WHAMM: variants seen among roughly 807,000 people sequenced by gnomAD.
WHAMM encodes WASP homolog-associated protein with actin, membranes and microtubules.
WHAMM carries 67 observed loss-of-function variants against 76.5 expected under a neutral mutation model. That is an observed-to-expected ratio of 0.88 (90% CI 0.72 to 1.07). The LOEUF is 1.07. Among genes scored for constraint, WHAMM ranks in the 50% least tolerant of loss-of-function variants. The pLI, the probability that WHAMM is intolerant of heterozygous loss-of-function variation, is 0.00. For synonymous variants in WHAMM, 419 were observed against 422.1 expected, an observed-to-expected ratio of 0.99 and a Z score of 0.09; for missense variants, 1,021 against 1,051.1, an observed-to-expected ratio of 0.97 and a Z score of 0.40.
chr15:82,812,827 A>C (rs8025432), intron 1 of WHAMM, among the ~76,000 whole-genome samples: 74,848 of 151,904 alleles, frequency 0.49, 18,492 homozygotes, highest in South Asian at 0.52. Flanking sequence ...CCATGCCTGG[A>C]CAAAAGTCTC....
intron 8 of WHAMM, 80 bp from the exon 9 acceptor site, chr15:82,830,518 GT>G (rs753981979): frequency 7.8e-5 from 120 of 1,544,122 alleles, no homozygotes; most frequent in Middle Eastern, 2.4e-4. Flanking sequence ...AAACGGATGT[GT>G]TTATAGATTT....
intron 2 of WHAMM, among the ~76,000 whole-genome samples, 187 bp from the exon 3 acceptor site, chr15:82,816,505 T>C (rs1202653432): frequency 6.6e-6 from 1 of 152,206 alleles, no homozygotes; most frequent in Non-Finnish European, 1.5e-5. Context: ...TGTCCTTTTG[T>C]CTTACAGGTG....
Position 82,809,949 on chromosome 15 carries a change from C to T in WHAMM, c.223C>T (p.Pro75Ser). ...GCCCAAGCCTGAGGCCGCCGTCTCC[C>T]CGTCCAGCTGGGCCGGCCTGCTCTC... ...PEPKPEAAVS[P>S]SSWAGLLSAA... The change falls in exon 1 of 10, where the codon CCG becomes TCG. Residue 75 changes from proline to serine, a missense_variant. Physicochemically the swap from Pro to Ser is moderately conservative, Grantham distance 74 (BLOSUM62 -1). Transcript: ENST00000286760. 1 of 1,405,212 alleles carries T rather than the reference C, an allele frequency of 7.1e-7. No individual in the cohort carries two copies. The highest frequency in any genetic ancestry group is 9.3e-7 in the Non-Finnish European group (1 of 1,075,838). 87.0% of individuals were successfully genotyped at this position (1,405,212 alleles called of 1,614,324 possible).
intron 9 of WHAMM, among the ~76,000 whole-genome samples, 178 bp from the exon 10 acceptor site, chr15:82,833,051 C>T (rs965740538): frequency 6.6e-6 from 1 of 152,218 alleles, no homozygotes; most frequent in African/African-American, 2.4e-5. Context: ...ATTCAGCTGT[C>T]CTGGATTCAA....
chr15:82,826,973 A>G, intron 8 of WHAMM, 127 bp downstream of exon 8: 1 of 1,076,650 alleles, frequency 9.3e-7, no homozygotes, highest in South Asian at 1.9e-5. Context: ...AAAAAATACC[A>G]TTATTTCTGG....
rs2051122551 is a variant in WHAMM, at chr15:82,836,071, T to C, written c.*2535T>C. 6.6e-6 allele frequency: 1 copy of C among 152,268 alleles called. No individual in the cohort carries two copies. Among genetic ancestry groups the C allele is most frequent in the Admixed American group, 6.5e-5 (1 of 15,290 alleles). 9.4% of individuals were successfully genotyped at this position (152,268 alleles called of 1,614,324 possible). A position where few individuals can be genotyped will look rare whatever the true frequency, so the allele number is the denominator to read the frequency against. On this transcript the variant is annotated 3_prime_UTR_variant, in exon 10 of 10. Coordinates refer to ENST00000286760, the MANE Select transcript of WHAMM (RefSeq NM_001080435.3). The stretch of plus-strand genomic sequence containing the variant: ...GAGGCCTTTGAAAAAAGGATCCTTT[T>C]CAAAAGAACGTTCTCACAATAAAAA...
In WHAMM at chr15:82,813,101, A is replaced by G. The variant is rs752627915; in HGVS notation, c.610-2A>G. 7 of 1,595,090 alleles carry G rather than the reference A, an allele frequency of 4.4e-6. No individual in the cohort carries two copies. The highest frequency in any genetic ancestry group is 6.0e-6 in the Non-Finnish European group (7 of 1,173,310). ...TGAGCTTTATTCACATTTGCTTTCT[A>G]GGTTATTCAAGGACACGGAAAAGCC... On this transcript the variant is annotated splice_acceptor_variant, in intron 1 of 9. Transcript: ENST00000286760. LOFTEE classifies it high-confidence loss of function.
intron 2 of WHAMM, among the ~76,000 whole-genome samples, chr15:82,814,865 G>A (rs1231648168): frequency 7.0e-6 from 1 of 142,770 alleles, no homozygotes; most frequent in Non-Finnish European, 1.5e-5. Context: ...TGCCTCCTGG[G>A]TTCACGCCAT....
intron 5 of WHAMM, among the ~76,000 whole-genome samples, chr15:82,822,393 C>T (rs1189924527): frequency 1.3e-5 from 2 of 152,106 alleles, no homozygotes; most frequent in Admixed American, 1.3e-4. Context: ...ACATGGACTG[C>T]TTAAATTAGA....
chr15:82,833,382 A>T lies in WHAMM; in HGVS notation c.2276A>T (p.Asp759Val), dbSNP rs747433519. ...QGVKLKKVHP[D>V]LGPNPSSKPT... ...GTCAAACTGAAGAAAGTTCACCCTG[A>T]TCTTGGCCCAAACCCCAGCAGCAAA... The change falls in exon 10 of 10, where the codon GAT (aspartate) becomes GTT (valine). Residue 759 changes from aspartate to valine, a missense_variant. Physicochemically the swap from Asp to Val is radical, Grantham distance 152 (BLOSUM62 -3). Around this residue, in one of 3 missense-constraint regions of WHAMM, gnomAD observed 509 missense variants for 492.3 expected, o/e 1.03. Transcript: ENST00000286760. 2.5e-6 allele frequency: 4 copies of T among 1,614,048 alleles called. No individual in the cohort carries two copies. Among genetic ancestry groups the T allele is most frequent in the Non-Finnish European group, 1.7e-6 (2 of 1,179,884 alleles).
At chr15:82,826,647 ATGT>A in intron 7 of WHAMM, 101 bp from the exon 8 acceptor site, 3 of 1,547,148 alleles carry the variant, frequency 1.9e-6, no homozygotes, top group Non-Finnish European at 2.6e-6. Context: ...TGGGGTGGTA[ATGT>A]TGGGGTACAG....
chr15:82,835,543 T>C lies in WHAMM; in HGVS notation c.*2007T>C, dbSNP rs2051117186. ...GGGTCTCCCTCTGTGGCATGGCCAC[T>C]GCCAGGTTTCCCAGCCACTGCCAGG... On this transcript the variant is annotated 3_prime_UTR_variant, in exon 10 of 10. Coordinates refer to ENST00000286760, the MANE Select transcript of WHAMM (RefSeq NM_001080435.3). The C allele has an allele frequency of 3.9e-5, 6 of 151,970 alleles. No individual in the cohort carries two copies. The South Asian group carries it at 1.0e-3, about 26-fold the overall frequency. 9.4% of individuals were successfully genotyped at this position (151,970 alleles called of 1,614,324 possible). A position where few individuals can be genotyped will look rare whatever the true frequency, so the allele number is the denominator to read the frequency against.
chr15:82,810,536 G>A, intron 1 of WHAMM: 8 of 985,492 alleles, frequency 8.1e-6, no homozygotes, highest in East Asian at 1.1e-4. Flanking sequence ...GGTCTGCAGA[G>A]AGGACAAGCG....
intron 5 of WHAMM, among the ~76,000 whole-genome samples, chr15:82,820,002 A>G (rs1387671970): frequency 6.6e-6 from 1 of 152,096 alleles, no homozygotes; most frequent in African/African-American, 2.4e-5. Context: ...AGCCTGGACA[A>G]CAGGGCGAGA....
At chr15:82,831,556 G>A (rs2051032452) in intron 9 of WHAMM, among the ~76,000 whole-genome samples, 1 of 152,164 alleles carries the variant, frequency 6.6e-6, no homozygotes, top group Admixed American at 6.6e-5. Context: ...GGCTGTTCTT[G>A]CAGACTGACT....
At chr15:82,826,086 G>A (rs1302855251) in intron 6 of WHAMM, among the ~76,000 whole-genome samples, 3 of 152,158 alleles carry the variant, frequency 2.0e-5, no homozygotes, top group Non-Finnish European at 4.4e-5. Context: ...ATAATGTTAT[G>A]GGGAAATGTG....
Position 82,826,752 on chromosome 15 carries a change from A to C in WHAMM, c.1547A>C (p.Lys516Thr). 1 of 1,542,052 alleles carries C rather than the reference A, an allele frequency of 6.5e-7. No homozygotes were observed. Among genetic ancestry groups the C allele is most frequent in the Non-Finnish European group, 8.7e-7 (1 of 1,144,886 alleles). The change falls in exon 8 of 10, where the codon AAA becomes ACA. Residue 516 changes from lysine (K) to threonine (T), a missense_variant and splice_region_variant. Lys to Thr is a moderately conservative substitution (Grantham distance 78). Around this residue, in one of 3 missense-constraint regions of WHAMM, gnomAD observed 509 missense variants for 492.3 expected, o/e 1.03. Transcript: ENST00000286760. ...YSRQHHSIQM[K>T]RDKIKEEEQK... ...AAATATACATTTGTTTAAATATAGA[A>C]AAGAGACAAGATAAAAGAAGAGGAG...
intron 6 of WHAMM, among the ~76,000 whole-genome samples, chr15:82,824,468 G>A (rs2050896319): frequency 6.6e-6 from 1 of 152,170 alleles, no homozygotes; most frequent in African/African-American, 2.4e-5. Flanking sequence ...TTACAGGCAT[G>A]TGCCACCACC....
intron 4 of WHAMM, among the ~76,000 whole-genome samples, chr15:82,818,510 C>A (rs1203124394): frequency 6.6e-6 from 1 of 152,172 alleles, no homozygotes. Flanking sequence ...TTTCAAAATA[C>A]CATATTGTAG....
Sources: allele counts gnomAD v4.1 joint callset (sites outside exome capture counted in the v4.1 genomes callset), GRCh38; gene constraint gnomAD v4.1.1; regional missense constraint gnomAD v4.1.1; transcripts MANE v1.5; gene names NCBI Gene and HGNC (gene_info 2026-07-23, HGNC 2026-07-21).